The following ZNF19 variants were observed in gnomAD, a reference collection of about 807,000 sequenced individuals.
ZNF19 encodes the protein zinc finger protein 19 (KOX 12).
A neutral mutation model predicts 13.1 loss-of-function variants in ZNF19; 11 were observed. The ratio of observed to expected loss-of-function variants is 0.84; its 90% CI spans 0.53 to 1.39. The LOEUF is 1.39. Among genes scored for constraint, ZNF19 ranks in the 40% most tolerant of loss-of-function variants. ZNF19 has a pLI of 0.00. For synonymous variants in ZNF19, 186 were observed against 187.0 expected (o/e 0.99, Z 0.04); for missense variants, 560 against 547.0 (o/e 1.02, Z -0.24).
At chr16:71,482,508 C>T (rs1040985041) in intron 2 of ZNF19, among the ~76,000 whole-genome samples, 1 of 152,148 alleles carries the variant, frequency 6.6e-6, no homozygotes, top group Non-Finnish European at 1.5e-5. Flanking sequence ...TTAAAAATAG[C>T]AAGTATCATG....
rs75731908 is a variant in ZNF19 at position 71,475,304 on chromosome 16, A to C, written c.1243T>G (p.Cys415Gly). The change falls in exon 6 of 6, where the codon TGT (cysteine) becomes GGT (glycine). Residue 415 changes from cysteine (C) to glycine (G), a missense_variant. Cys to Gly is a radical substitution (Grantham distance 159). Coordinates refer to ENST00000288177, the MANE Select transcript of ZNF19 (RefSeq NM_006961.4). Reference sequence around the variant, plus strand: ...CCAAAGGCCTTCTCATACTTGCTACACTCATAGGGTTTCTCTCCAGTATGG... The same window carrying C: ...CCAAAGGCCTTCTCATACTTGCTACCCTCATAGGGTTTCTCTCCAGTATGG... ...RIHTGEKPYE[C>G]SKYEKAFGTS... is the part of the protein sequence containing the mutation. 2,084 of 1,614,164 alleles carry C rather than the reference A, an allele frequency of 1.3e-3. 33 individuals are homozygous for C. The African/African-American group carries it at 0.025, about 19-fold the overall frequency.
At chr16:71,486,263 A>G (rs1257528272) in intron 1 of ZNF19, among the ~76,000 whole-genome samples, 3 of 151,696 alleles carry the variant, frequency 2.0e-5, no homozygotes, top group African/African-American at 7.3e-5. Context: ...CTACTAGCTG[A>G]GTTGGGAGGA....
chr16:71,476,193 A>C lies in ZNF19; in HGVS notation c.354T>G (p.Gly118=), dbSNP rs753431771. ...TTCTCTGAGGGACACTCTTCAGCTGACCATGTGACATCATCCCATCTCTTT... is the reference window on the plus strand; with the variant it reads ...TTCTCTGAGGGACACTCTTCAGCTGCCCATGTGACATCATCCCATCTCTTT... The part of the protein sequence containing the change: ...SEERDGMMSH[G]QLKSVPQRTD... The change falls in exon 6 of 6, where the codon GGT becomes GGG. Residue 118 remains glycine, a synonymous_variant. Transcript: ENST00000288177. 3 of 1,614,170 alleles carry C rather than the reference A, an allele frequency of 1.9e-6. No individual in the cohort carries two copies. Among genetic ancestry groups the C allele is most frequent in the Non-Finnish European group, 2.5e-6 (3 of 1,180,008 alleles).
chr16:71,478,024 AG>A (rs2043613275), intron 5 of ZNF19: 3 of 521,226 alleles, frequency 5.8e-6, no homozygotes, highest in Admixed American at 3.5e-5. Flanking sequence ...AAACTCAGAA[AG>A]GAACAATGGA....
chr16:71,482,441 C>A (rs574543401), intron 2 of ZNF19: 19 of 282,876 alleles, frequency 6.7e-5, no homozygotes, highest in Admixed American at 2.8e-4. Context: ...CGAAACCTAA[C>A]AAGAAGAATC....
chr16:71,486,699 T>C (rs115679968), intron 1 of ZNF19, among the ~76,000 whole-genome samples: 3,097 of 152,268 alleles, frequency 0.02, 86 homozygotes, highest in African/African-American at 0.07. Context: ...ACAGCAGCAA[T>C]AGAAAATTAA....
chr16:71,475,899 G>C lies in ZNF19; in HGVS notation c.648C>G (p.Pro216=), dbSNP rs1306137420. The change falls in exon 6 of 6, where the codon CCC becomes CCG. Residue 216 remains proline, a synonymous_variant. Coordinates refer to ENST00000288177, the MANE Select transcript of ZNF19 (RefSeq NM_006961.4). Reference sequence around the variant, plus strand: ...CTCGCCCACACTCCTCACACTGATAGGGTCTCTCTCCAGTGTGAATCCTCT... The same window carrying C: ...CTCGCCCACACTCCTCACACTGATACGGTCTCTCTCCAGTGTGAATCCTCT... ...RHQRIHTGER[P]YQCEECGRAF... 10 of 1,613,274 alleles carry C rather than the reference G, an allele frequency of 6.2e-6. No homozygotes were observed. Among genetic ancestry groups the C allele is most frequent in the African/African-American group, 5.4e-5 (4 of 74,744 alleles).
At chr16:71,486,469 A>G (rs570521420) in intron 1 of ZNF19, among the ~76,000 whole-genome samples, 76 of 152,344 alleles carry the variant, frequency 5.0e-4, no homozygotes, top group African/African-American at 1.7e-3. Context: ...TGACAGCACA[A>G]GAAGGACTTG....
At chr16:71,482,197 T>TAAAGAGAG in intron 2 of ZNF19, 54 bp from the exon 3 acceptor site, 2 of 1,562,234 alleles carry the variant, frequency 1.3e-6, no homozygotes, top group Non-Finnish European at 1.8e-6. Flanking sequence ...TAAAATGCTC[T>TAAAGAGAG]CTTTAGAGCA....
chr16:71,478,400 A>C, intron 4 of ZNF19, 59 bp from the exon 5 acceptor site: 1 of 1,263,106 alleles, frequency 7.9e-7, no homozygotes, highest in Non-Finnish European at 1.1e-6. Flanking sequence ...CAAAAGAAGG[A>C]AAACCCCAGG....
chr16:71,474,442 G>C lies in ZNF19; in HGVS notation c.*728C>G, dbSNP rs922107387. 6.6e-6 allele frequency: 1 copy of C among 152,176 alleles called. No homozygotes were observed. Among genetic ancestry groups the C allele is most frequent in the Admixed American group, 6.5e-5 (1 of 15,288 alleles). The allele number at this position is 152,176 out of a possible 1,614,324, so 9.4% of individuals were successfully genotyped here. A position where few individuals can be genotyped will look rare whatever the true frequency, so the allele number is the denominator to read the frequency against. On this transcript the variant is annotated 3_prime_UTR_variant, in exon 6 of 6. Coordinates refer to ENST00000288177, the MANE Select transcript of ZNF19 (RefSeq NM_006961.4). ...GACTTTTCTTGAGAATGGATTCACT[G>C]GTGCAGACATAATTTTGTAGTACAA...
Position 71,475,789 on chromosome 16 carries a change from C to G in ZNF19, c.758G>C (p.Ser253Thr). Reference sequence around the variant, plus strand: ...AACAAACTCGGAACTACTCGTGAAACTATTCCCACACTCTGTACAGTAATA... The same window carrying G: ...AACAAACTCGGAACTACTCGTGAAAGTATTCCCACACTCTGTACAGTAATA... ...RPYYCTECGN[S>T]FTSSSEFVIH... The change falls in exon 6 of 6, where the codon AGT becomes ACT. Residue 253 changes from serine (S) to threonine (T), a missense_variant. Transcript: ENST00000288177. 6.2e-7 allele frequency: 1 copy of G among 1,611,668 alleles called. No individual in the cohort carries two copies.
At chr16:71,480,185 T>C (rs375025740) in intron 3 of ZNF19, among the ~76,000 whole-genome samples, 1 of 152,142 alleles carries the variant, frequency 6.6e-6, no homozygotes, top group Admixed American at 6.5e-5. Flanking sequence ...AGAGCCTCTA[T>C]TCACTCCTCA....
At chr16:71,476,587 C>A (rs1296509291) in intron 5 of ZNF19, among the ~76,000 whole-genome samples, 2 of 152,146 alleles carry the variant, frequency 1.3e-5, no homozygotes, top group Non-Finnish European at 2.9e-5. Context: ...CTACAAAATG[C>A]CAAAGAAGGC....
intron 2 of ZNF19, among the ~76,000 whole-genome samples, chr16:71,484,116 GTCTTCGA>G (rs2043656907): frequency 6.6e-6 from 1 of 152,222 alleles, no homozygotes; most frequent in Admixed American, 6.5e-5. Flanking sequence ...CAAGAACTTG[GTCTTCGA>G]TCTACGTGCA....
At chr16:71,476,659 C>T (rs2145166618) in intron 5 of ZNF19, among the ~76,000 whole-genome samples, 1 of 152,260 alleles carries the variant, frequency 6.6e-6, no homozygotes, top group Non-Finnish European at 1.5e-5. Context: ...GAAAGTGAAA[C>T]AGAACAGTAT....
intron 2 of ZNF19, among the ~76,000 whole-genome samples, chr16:71,483,587 C>G (rs2043652936): frequency 6.6e-6 from 1 of 152,228 alleles, no homozygotes; most frequent in African/African-American, 2.4e-5. Context: ...CTCCAGTAAT[C>G]TATCCACCCT....
chr16:71,487,015 T>C (rs1235042898), intron 1 of ZNF19: 1 of 152,162 alleles, frequency 6.6e-6, no homozygotes, highest in Non-Finnish European at 1.5e-5. Flanking sequence ...TCCACTCTCA[T>C]TTGTCTGGAA....
intron 2 of ZNF19, among the ~76,000 whole-genome samples, chr16:71,483,592 C>T (rs2043653017): frequency 6.6e-6 from 1 of 152,206 alleles, no homozygotes; most frequent in Non-Finnish European, 1.5e-5. Context: ...GTAATCTATC[C>T]ACCCTTCACC....
Sources: allele counts gnomAD v4.1 joint callset (sites outside exome capture counted in the v4.1 genomes callset), GRCh38; gene constraint gnomAD v4.1.1; transcripts MANE v1.5; gene names NCBI Gene and HGNC (gene_info 2026-07-23, HGNC 2026-07-21).